PAQR5: variants seen among roughly 807,000 people sequenced by gnomAD.
The protein encoded by PAQR5 is membrane progestin receptor gamma.
A neutral mutation model predicts 34.5 loss-of-function variants in PAQR5; 20 were observed. That is an observed-to-expected ratio of 0.58 (90% confidence interval 0.41 to 0.84). The LOEUF is 0.84. Ranked by LOEUF, PAQR5 falls within the 40% of genes least tolerant of loss-of-function variation. The probability of loss-of-function intolerance (pLI) is 0.00; values close to 1 mark genes in which losing one functional copy is unlikely to be tolerated. For missense variants in PAQR5, 378 were observed against 412.7 expected, an observed-to-expected ratio of 0.92 and a Z score of 0.73; for synonymous variants, 131 against 155.6, an observed-to-expected ratio of 0.84 and a Z score of 1.18.
At chr15:69,387,230 G>T (rs912740311) in intron 5 of PAQR5, among the ~76,000 whole-genome samples, 2 of 152,208 alleles carry the variant, frequency 1.3e-5, no homozygotes, top group African/African-American at 4.8e-5. Flanking sequence ...GCCCTCGGTT[G>T]CCCGCCCCGG....
chr15:69,309,034 G>T (rs62008445), intron 1 of PAQR5, among the ~76,000 whole-genome samples: 70,931 of 152,030 alleles, frequency 0.47, 20,007 homozygotes, highest in Non-Finnish European at 0.62. Context: ...GAGCATGCTG[G>T]GTTGGAGATA....
At chr15:69,348,125 T>A (rs572301778) in intron 2 of PAQR5, among the ~76,000 whole-genome samples, 1 of 152,264 alleles carries the variant, frequency 6.6e-6, no homozygotes, top group Admixed American at 6.5e-5. Context: ...AAAGGCCGCC[T>A]ACTGGCTGTG....
At chr15:69,375,364 C>T (rs952110760) in intron 3 of PAQR5, among the ~76,000 whole-genome samples, 12 of 152,118 alleles carry the variant, frequency 7.9e-5, no homozygotes, top group Non-Finnish European at 1.2e-4. Context: ...CCCTAATGGC[C>T]TCTTGAAAGA....
intron 1 of PAQR5, among the ~76,000 whole-genome samples, chr15:69,334,834 A>G (rs377334813): frequency 3.9e-5 from 6 of 152,208 alleles, no homozygotes; most frequent in African/African-American, 1.4e-4. Context: ...CAAAAGAGTA[A>G]TGGAACAAAA....
At chr15:69,340,483 G>A (rs1305516120) in intron 2 of PAQR5, among the ~76,000 whole-genome samples, 1 of 152,178 alleles carries the variant, frequency 6.6e-6, no homozygotes, top group Non-Finnish European at 1.5e-5. Flanking sequence ...TTTAATGAAT[G>A]GCAAACTACT....
intron 3 of PAQR5, among the ~76,000 whole-genome samples, chr15:69,372,270 G>T (rs1350940220): frequency 6.6e-6 from 1 of 152,120 alleles, no homozygotes; most frequent in Non-Finnish European, 1.5e-5. Context: ...TTGGCCAGGC[G>T]CGGTGGCTCA....
At chr15:69,326,439 T>C (rs2054253048) in intron 1 of PAQR5, among the ~76,000 whole-genome samples, 1 of 142,016 alleles carries the variant, frequency 7.0e-6, no homozygotes, top group South Asian at 2.1e-4. Context: ...TCTTTGTCTT[T>C]TTTTTTTTTT....
chr15:69,354,770 G>T (rs1304485356), intron 2 of PAQR5, among the ~76,000 whole-genome samples: 1 of 152,136 alleles, frequency 6.6e-6, no homozygotes, highest in South Asian at 2.1e-4. Flanking sequence ...CGGGTTGTAA[G>T]TCCATGGACC....
intron 3 of PAQR5, among the ~76,000 whole-genome samples, chr15:69,373,680 T>C (rs1246092342): frequency 6.6e-6 from 1 of 152,194 alleles, no homozygotes; most frequent in Non-Finnish European, 1.5e-5. Context: ...CTCGGCTTAC[T>C]GCAACCTCTG....
intron 1 of PAQR5, among the ~76,000 whole-genome samples, chr15:69,324,691 A>G (rs922829049): frequency 3.4e-4 from 52 of 151,622 alleles, no homozygotes; most frequent in South Asian, 2.1e-4. Flanking sequence ...AGCGCACACC[A>G]ATTCTTCATC....
chr15:69,388,746 G>A (rs1022304756), intron 5 of PAQR5, among the ~76,000 whole-genome samples: 1 of 152,186 alleles, frequency 6.6e-6, no homozygotes, highest in South Asian at 2.1e-4. Context: ...CCTGTCACTG[G>A]GATAAAAGAC....
intron 3 of PAQR5, among the ~76,000 whole-genome samples, chr15:69,378,763 C>T (rs1209790958): frequency 2.0e-5 from 3 of 152,236 alleles, no homozygotes; most frequent in Admixed American, 6.5e-5. Flanking sequence ...TACCTGGGGG[C>T]GATTTTTGCC....
In PAQR5 at chr15:69,300,941, T is replaced by TCTCTCTC. The variant is rs1566986726; in HGVS notation, c.-277+1885_-277+1886insCTCTCTC. On this transcript the variant is annotated intron_variant, in intron 1 of 8. Transcript: ENST00000395407. ...TCTCTCTCTCTCTCTCTCTCTCTCT[T>TCTCTCTC]TCTTTCCTTCTTTCTTTCTTTCTTT... 1.2e-4 allele frequency among the ~76,000 whole-genome samples: 4 copies of TCTCTCTC among 33,184 alleles called. 1 individual carries two copies. The highest frequency in any genetic ancestry group is 3.7e-4 in the African/African-American group (4 of 10,930). 21.8% of individuals were successfully genotyped at this position (33,184 alleles called of 152,430 possible). A position where few individuals can be genotyped will look rare whatever the true frequency, so the allele number is the denominator to read the frequency against.
chr15:69,309,789 C>A (rs1044879283), intron 1 of PAQR5, among the ~76,000 whole-genome samples: 4 of 152,018 alleles, frequency 2.6e-5, no homozygotes, highest in Admixed American at 6.5e-5. Flanking sequence ...GTGGTTCATG[C>A]CTGTAATCCC....
At chr15:69,319,857 G>T (rs973507911) in intron 1 of PAQR5, among the ~76,000 whole-genome samples, 5 of 152,196 alleles carry the variant, frequency 3.3e-5, no homozygotes, top group Admixed American at 6.5e-5. Flanking sequence ...GCCTCCTCCA[G>T]GTTCCCAGCC....
chr15:69,323,253 T>A (rs1239503658), intron 1 of PAQR5, among the ~76,000 whole-genome samples: 3 of 152,098 alleles, frequency 2.0e-5, no homozygotes, highest in African/African-American at 7.2e-5. Flanking sequence ...TGGCGCACAG[T>A]GAGTGCTTGA....
rs574832497 is a variant in PAQR5 at position 69,355,539 on chromosome 15, G to A, written c.-115-4427G>A. ...AGGTTCAAGAGAGTCCCCTGCCTCA[G>A]CCTCCCAAGTAGCAGGGATTACAGG... On this transcript the variant is annotated intron_variant, in intron 2 of 8. Coordinates refer to ENST00000395407, the MANE Select transcript of PAQR5 (RefSeq NM_017705.4). Among the ~76,000 whole-genome samples the A allele has an allele frequency of 2.0e-5, 3 of 151,572 alleles. No individual in the cohort carries two copies. The East Asian group carries it at 5.8e-4, about 29-fold the overall frequency.
In PAQR5 at chr15:69,374,532, C is replaced by T. The variant is rs536222153; in HGVS notation, c.52-5351C>T. On this transcript the variant is annotated intron_variant, in intron 3 of 8. Coordinates refer to ENST00000395407, the MANE Select transcript of PAQR5 (RefSeq NM_017705.4). ...CTCTACTAAAAATACAAAAATTTAG[C>T]TGGGCATAGTGGCATGTGCCTGTAA... 4.6e-5 allele frequency among the ~76,000 whole-genome samples: 7 copies of T among 152,230 alleles called. No homozygotes were observed. The South Asian group carries it at 1.5e-3, about 32-fold the overall frequency.
chr15:69,341,375 A>ATTTT (rs1212210788), intron 2 of PAQR5, among the ~76,000 whole-genome samples: 1 of 120,510 alleles, frequency 8.3e-6, no homozygotes, highest in Admixed American at 8.5e-5. Flanking sequence ...TTTTTTTTAA[A>ATTTT]AAATAGGGTC....
Sources: gnomAD v4.1 joint callset for allele counts (sites outside exome capture counted in the v4.1 genomes callset) on GRCh38, gnomAD v4.1.1 for gene constraint, MANE v1.5 for transcripts, NCBI Gene and HGNC (gene_info 2026-07-23, HGNC 2026-07-21) for gene names.